CDH15: variants seen among roughly 807,000 people sequenced by gnomAD.
CDH15 encodes cadherin-15.
CDH15 carries 73 observed loss-of-function variants against 69.4 expected under a neutral mutation model. That is an observed-to-expected ratio of 1.05 (90% CI 0.87 to 1.28). CDH15 has a LOEUF of 1.28. Ranked by LOEUF, CDH15 falls within the 50% of genes most tolerant of loss-of-function variation. The pLI, the probability that CDH15 is intolerant of heterozygous loss-of-function variation, is 0.00. For synonymous variants in CDH15, 624 were observed against 507.7 expected (o/e 1.23, Z -3.08); for missense variants, 1,343 against 1,133.6 (o/e 1.18, Z -2.65).
chr16:89,178,135 T>TC (rs1161616243), intron 1 of CDH15, among the ~76,000 whole-genome samples: 1 of 152,178 alleles, frequency 6.6e-6, no homozygotes, highest in Non-Finnish European at 1.5e-5. Context: ...GGCCTCAGTT[T>TC]CCCCATCTGA....
intron 9 of CDH15, 55 bp downstream of exon 9, chr16:89,191,527 A>G (rs1012521555): frequency 1.3e-5 from 21 of 1,583,074 alleles, no homozygotes; most frequent in Non-Finnish European, 1.8e-5. Context: ...CCGGCTGAGC[A>G]CCCCTGCCAG....
intron 3 of CDH15, among the ~76,000 whole-genome samples, chr16:89,181,266 G>A (rs1915372055): frequency 1.3e-5 from 2 of 152,164 alleles, no homozygotes; most frequent in African/African-American, 4.8e-5. Context: ...TCTGGGCAGT[G>A]GGGTTAGTCA....
At chr16:89,191,963 A>ACC (rs1011569469) in intron 10 of CDH15, 69 bp downstream of exon 10, 72 of 1,429,152 alleles carry the variant, frequency 5.0e-5, no homozygotes, top group Non-Finnish European at 6.0e-5. Context: ...CCGGCCTCGG[A>ACC]CGGGGGCAGG....
At chr16:89,187,654 G>C in intron 6 of CDH15, 97 bp downstream of exon 6, 1 of 1,534,876 alleles carries the variant, frequency 6.5e-7, no homozygotes, top group Non-Finnish European at 8.9e-7. Context: ...TGATGGGGCA[G>C]GAGGATGGTG....
In CDH15 at chr16:89,192,265, T is replaced by A. The variant is rs758268913; in HGVS notation, c.1676T>A (p.Leu559Gln). ...CCCGAAGGCCTGCACCGCCTCAGCC[T>A]GCTGCTCCGGGACTCGGGGCAGCCG... Reference protein sequence around the residue: ...QVPEGLHRLSLLLRDSGQPPQ... With the variant: ...QVPEGLHRLSQLLRDSGQPPQ... Residue 559 changes from leucine (L) to glutamine (Q), a missense_variant, in exon 11 of 14, where the codon CTG (leucine) becomes CAG (glutamine). Transcript: ENST00000289746. The A allele has an allele frequency of 1.3e-6, 2 of 1,530,810 alleles. No individual in the cohort carries two copies. Among genetic ancestry groups the A allele is most frequent in the South Asian group, 1.2e-5 (1 of 83,758 alleles). 94.8% of individuals were successfully genotyped at this position (1,530,810 alleles called of 1,614,324 possible). A position where few individuals can be genotyped will look rare whatever the true frequency, so the allele number is the denominator to read the frequency against.
chr16:89,178,731 A>G (rs1055910963), intron 1 of CDH15, among the ~76,000 whole-genome samples: 1 of 152,184 alleles, frequency 6.6e-6, no homozygotes, highest in Non-Finnish European at 1.5e-5. Flanking sequence ...TGAATTACGG[A>G]TACATCTCCA....
In CDH15 at chr16:89,191,423, C is replaced by A. The variant is rs757402303; in HGVS notation, c.1326C>A (p.Pro442=). The part of the protein sequence containing the change: ...QTQHVLSPAS[P]FLKGGWYRAI... ...AGCACGTGCTCAGCCCGGCGTCCCC[C>A]TTCCTCAAGGGCGGCTGGTACAGAG... The change falls in exon 9 of 14, where the codon CCC becomes CCA. Residue 442 remains proline, a synonymous_variant. Transcript: ENST00000289746. 6.2e-7 allele frequency: 1 copy of A among 1,612,762 alleles called. No homozygotes were observed. Among genetic ancestry groups the A allele is most frequent in the Admixed American group, 1.7e-5 (1 of 60,010 alleles).
intron 3 of CDH15, 71 bp from the exon 4 acceptor site, chr16:89,183,477 T>C (rs969654217): frequency 2.5e-6 from 4 of 1,575,410 alleles, no homozygotes; most frequent in Non-Finnish European, 3.5e-6. Context: ...GCTGTCTCTT[T>C]CGCATGGCCC....
chr16:89,175,322 G>C (rs922679787), intron 1 of CDH15, among the ~76,000 whole-genome samples: 1 of 152,240 alleles, frequency 6.6e-6, no homozygotes, highest in Non-Finnish European at 1.5e-5. Flanking sequence ...GCCGTGTGGG[G>C]TTCCTAGAGC....
intron 5 of CDH15, chr16:89,186,289 CAGT>C (rs1915485230): frequency 8.6e-6 from 1 of 115,822 alleles, no homozygotes; most frequent in Non-Finnish European, 1.8e-5. Flanking sequence ...ACCCAGCGCA[CAGT>C]AGGTGCTCTG....
rs142647750 is a variant in CDH15, at chr16:89,187,483, C to T, written c.718C>T (p.Leu240Phe). Reference sequence around the variant, plus strand: ...GGTGGCGGACATGTCTGGAGACGGCCTCACAGCCACTGCCTCAGCCATCAT... The same window carrying T: ...GGTGGCGGACATGTCTGGAGACGGCTTCACAGCCACTGCCTCAGCCATCAT... ...LQVADMSGDG[L>F]TATASAIITL... The change falls in exon 6 of 14, where the codon CTC (leucine) becomes TTC (phenylalanine). Residue 240 changes from leucine (L) to phenylalanine (F), a missense_variant. Coordinates refer to ENST00000289746, the MANE Select transcript of CDH15 (RefSeq NM_004933.3). 1,484 of 1,613,640 alleles carry T rather than the reference C, an allele frequency of 9.2e-4. 15 individuals are homozygous for T. The African/African-American group carries it at 0.017, about 19-fold the overall frequency.
chr16:89,178,502 G>T (rs1302389593), intron 1 of CDH15, among the ~76,000 whole-genome samples: 5 of 152,124 alleles, frequency 3.3e-5, no homozygotes, highest in Non-Finnish European at 2.9e-5. Context: ...GGGTGGGGCT[G>T]CCCCTCTGTC....
rs748168276 is a variant in CDH15, at chr16:89,187,576, C to T, written c.792+19C>T. ...GGATGAGGTGCTGCTGCTGTCCCTC[C>T]CTCGAAAGTAGCCCCTGCTTAGAGC... is the stretch of plus-strand genomic sequence containing the variant. On this transcript the variant is annotated intron_variant, in intron 6 of 13. Coordinates refer to ENST00000289746, the MANE Select transcript of CDH15 (RefSeq NM_004933.3). 6.2e-7 allele frequency: 1 copy of T among 1,613,140 alleles called. No individual in the cohort carries two copies. Among genetic ancestry groups the T allele is most frequent in the South Asian group, 1.1e-5 (1 of 91,076 alleles).
At chr16:89,191,547 G>T in intron 9 of CDH15, 75 bp downstream of exon 9, 1 of 1,595,938 alleles carries the variant, frequency 6.3e-7, no homozygotes, top group Non-Finnish European at 8.5e-7. Flanking sequence ...GTGTCGGAGG[G>T]CTCTGCCCAT....
At chr16:89,189,688 A>G (rs1167208201) in intron 7 of CDH15, among the ~76,000 whole-genome samples, 1 of 152,254 alleles carries the variant, frequency 6.6e-6, no homozygotes, top group Non-Finnish European at 1.5e-5. Context: ...CTACCAGAGA[A>G]AGAGGCCATA....
At chr16:89,177,754 T>C (rs1597301982) in intron 1 of CDH15, among the ~76,000 whole-genome samples, 3 of 152,188 alleles carry the variant, frequency 2.0e-5, no homozygotes, top group Non-Finnish European at 4.4e-5. Flanking sequence ...GTGACCCCCA[T>C]GTCCGTGCCG....
chr16:89,176,357 G>A (rs1597301145), intron 1 of CDH15, among the ~76,000 whole-genome samples: 2 of 152,312 alleles, frequency 1.3e-5, no homozygotes, highest in East Asian at 3.9e-4. Flanking sequence ...GGTCAGAGTA[G>A]CTGTCGACAC....
At chr16:89,178,909 T>A (rs1474809514) in intron 1 of CDH15, among the ~76,000 whole-genome samples, 3 of 152,148 alleles carry the variant, frequency 2.0e-5, no homozygotes, top group Non-Finnish European at 2.9e-5. Flanking sequence ...CGCCACTGGC[T>A]TCTTGGGGTC....
chr16:89,190,971 C>A (rs899565425), intron 8 of CDH15, among the ~76,000 whole-genome samples: 3 of 150,844 alleles, frequency 2.0e-5, no homozygotes, highest in Admixed American at 1.3e-4. Context: ...CAGCTCCCAT[C>A]ATATTCACAT....
Sources: allele counts gnomAD v4.1 joint callset (sites outside exome capture counted in the v4.1 genomes callset), GRCh38; gene constraint gnomAD v4.1.1; transcripts MANE v1.5; gene names NCBI Gene and HGNC (gene_info 2026-07-23, HGNC 2026-07-21).